The following DPP6 variants were observed in gnomAD, a reference collection of about 807,000 sequenced individuals.
DPP6 encodes the protein A-type potassium channel modulatory protein DPP6.
DPP6 carries 69 observed loss-of-function variants against 122.6 expected under a neutral mutation model. The ratio of observed to expected loss-of-function variants is 0.56; its 90% CI spans 0.46 to 0.69. The LOEUF (loss-of-function observed/expected upper bound fraction) is 0.69. Ranked by LOEUF, DPP6 falls within the 30% of genes least tolerant of loss-of-function variation. The pLI, the probability that DPP6 is intolerant of heterozygous loss-of-function variation, is 0.00. For synonymous variants in DPP6, 418 were observed against 433.1 expected, an observed-to-expected ratio of 0.97 and a Z score of 0.43; for missense variants, 928 against 1,116.9, an observed-to-expected ratio of 0.83 and a Z score of 2.41.
In DPP6 at chr7:154,420,833, A is replaced by AT. The variant is rs1274967931; in HGVS notation, c.244-25373dup. Among the ~76,000 whole-genome samples the AT allele has an allele frequency of 3.6e-4, 54 of 152,022 alleles. 3 individuals are homozygous for AT. The highest frequency in any genetic ancestry group is 2.1e-4 in the South Asian group (1 of 4,808). On this transcript the variant is annotated intron_variant, in intron 1 of 25. Transcript: ENST00000377770. Reference sequence around the variant, plus strand: ...AAGCATATTCATTTACTATTTGTCAATTTTTTTTCCAAAAAATCATTATGC... The same window carrying AT: ...AAGCATATTCATTTACTATTTGTCAATTTTTTTTTCCAAAAAATCATTATGC...
chr7:154,743,788 C>G (rs1030318840), intron 8 of DPP6, among the ~76,000 whole-genome samples: 1 of 152,018 alleles, frequency 6.6e-6, no homozygotes, highest in African/African-American at 2.4e-5. Flanking sequence ...GTTCCAGGAC[C>G]CCTGAGTTAC....
At chr7:154,345,025 T>C (rs1458608494) in intron 1 of DPP6, among the ~76,000 whole-genome samples, 2 of 152,200 alleles carry the variant, frequency 1.3e-5, no homozygotes, top group Non-Finnish European at 2.9e-5. Context: ...CAAATATCGC[T>C]GGTACCGTTA....
intron 3 of DPP6, among the ~76,000 whole-genome samples, chr7:154,538,302 T>G (rs1200309061): frequency 6.6e-6 from 1 of 152,086 alleles, no homozygotes; most frequent in Non-Finnish European, 1.5e-5. Flanking sequence ...CATAGGTAAA[T>G]GTGTACCATG....
intron 17 of DPP6, among the ~76,000 whole-genome samples, chr7:154,867,767 G>A (rs779119964): frequency 6.6e-6 from 1 of 152,162 alleles, no homozygotes; most frequent in Non-Finnish European, 1.5e-5. Flanking sequence ...TAAGACGGTG[G>A]GGAGAATCTT....
At chr7:153,775,943 T>C in the DPP6 span, among the ~76,000 whole-genome samples, 2 of 152,142 alleles carry the variant, frequency 1.3e-5, no homozygotes, top group Non-Finnish European at 2.9e-5. Context: ...ATTGGGGGAA[T>C]ATACTGTTTT....
In DPP6 at chr7:154,566,880, T is replaced by G. The variant is rs757084653; in HGVS notation, c.591T>G (p.Asp197Glu). Residue 197 changes from aspartate (D) to glutamate (E), a missense_variant, in exon 5 of 26, where the codon GAT becomes GAG. Transcript: ENST00000377770. ...LRAIRYEISP[D>E]REYALFSYNV... ...CCATCAGATATGAAATATCTCCAGA[T>G]AGAGAGTATGCACTTTTTTCATACA... The G allele has an allele frequency of 1.9e-6, 3 of 1,607,794 alleles. No homozygotes were observed. Among genetic ancestry groups the G allele is most frequent in the Non-Finnish European group, 2.6e-6 (3 of 1,175,804 alleles).
At chr7:154,313,221 G>T (rs996027494) in intron 1 of DPP6, among the ~76,000 whole-genome samples, 3 of 152,158 alleles carry the variant, frequency 2.0e-5, no homozygotes, top group Non-Finnish European at 2.9e-5. Flanking sequence ...AGGAGAGCTG[G>T]ATGGGAACAG....
At chr7:154,779,160 C>T (rs1405807038) in intron 10 of DPP6, among the ~76,000 whole-genome samples, 1 of 131,568 alleles carries the variant, frequency 7.6e-6, no homozygotes, top group African/African-American at 2.9e-5. Context: ...ACCATCATCT[C>T]CACTACCTCT....
At chr7:154,615,157 C>T (rs1344912170) in intron 5 of DPP6, among the ~76,000 whole-genome samples, 1 of 152,156 alleles carries the variant, frequency 6.6e-6, no homozygotes, top group Non-Finnish European at 1.5e-5. Context: ...CCATCTTTAT[C>T]ATGGGTAGAT....
At chr7:154,207,337 C>T (rs778730351) in intron 1 of DPP6, among the ~76,000 whole-genome samples, 19 of 152,000 alleles carry the variant, frequency 1.3e-4, no homozygotes, top group Non-Finnish European at 2.1e-4. Flanking sequence ...TTGGAGGATG[C>T]GTATTTTACT....
At chr7:154,669,224 C>A in intron 6 of DPP6, 136 bp from the exon 7 acceptor site, 1 of 1,345,334 alleles carries the variant, frequency 7.4e-7, no homozygotes, top group South Asian at 1.4e-5. Context: ...CTTAGTAACA[C>A]AAGAGACAAG....
At chr7:153,907,375 C>A (rs962815715) in intron 1 of DPP6, among the ~76,000 whole-genome samples, 5 of 152,122 alleles carry the variant, frequency 3.3e-5, no homozygotes, top group Admixed American at 2.0e-4. Context: ...GAGGGACAGA[C>A]AAACTGGCAT....
intron 1 of DPP6, among the ~76,000 whole-genome samples, chr7:153,889,937 A>C (rs1050957449): frequency 2.0e-5 from 3 of 152,244 alleles, no homozygotes; most frequent in African/African-American, 7.2e-5. Flanking sequence ...AAGGAAATCC[A>C]CGTGGCTTCA....
intron 1 of DPP6, among the ~76,000 whole-genome samples, chr7:154,066,118 GAT>G (rs1427709858): frequency 1.3e-5 from 2 of 148,880 alleles, no homozygotes; most frequent in African/African-American, 5.0e-5. Flanking sequence ...GGAGTGCAGT[GAT>G]ACAAACTCAG....
chr7:154,200,580 C>T (rs1479312491), intron 1 of DPP6, among the ~76,000 whole-genome samples: 1 of 152,136 alleles, frequency 6.6e-6, no homozygotes, highest in Non-Finnish European at 1.5e-5. Flanking sequence ...CATTCTTAGG[C>T]ATTTTTGTCT....
At chr7:154,575,891 G>T (rs1416237224) in intron 5 of DPP6, among the ~76,000 whole-genome samples, 2 of 152,014 alleles carry the variant, frequency 1.3e-5, no homozygotes, top group Non-Finnish European at 2.9e-5. Flanking sequence ...CGGATCTACA[G>T]GTTTTGAGGT....
chr7:153,953,458 G>T lies in DPP6; in HGVS notation c.51+65724G>T, dbSNP rs1467182630. Among the ~76,000 whole-genome samples the T allele has an allele frequency of 2.0e-5, 3 of 152,106 alleles. No homozygotes were observed. In the East Asian group the frequency reaches 5.8e-4, roughly 29 times the overall value. ...TTCCCACCAACCCTCAAAATTCCGT[G>T]TGCTGTCTGTGGAATTCATGCACAG... On this transcript the variant is annotated intron_variant, in intron 1 of 25. Coordinates refer to the DPP6 transcript ENST00000404039.
At position 154,232,431 on chromosome 7, in the gene DPP6, C is replaced by T. The variant is rs530595102; in HGVS notation, c.243+179368C>T. Among the ~76,000 whole-genome samples the T allele has an allele frequency of 7.2e-5, 11 of 152,304 alleles. No homozygotes were observed. The East Asian group carries it at 1.9e-3, about 27-fold the overall frequency. ...AGGGAGGGCTTTGGTGTCAGGACCTCAATCCCTGGAAAGTAGATAAGTACC... is the reference window on the plus strand; with the variant it reads ...AGGGAGGGCTTTGGTGTCAGGACCTTAATCCCTGGAAAGTAGATAAGTACC... On this transcript the variant is annotated intron_variant, in intron 1 of 25. Coordinates refer to ENST00000377770, the MANE Select transcript of DPP6 (RefSeq NM_130797.4).
intron 1 of DPP6, among the ~76,000 whole-genome samples, chr7:154,013,360 T>C (rs967074365): frequency 6.6e-6 from 1 of 152,180 alleles, no homozygotes; most frequent in Non-Finnish European, 1.5e-5. Flanking sequence ...TTTGTTGCCA[T>C]GTTTAAATTT....
Sources: gnomAD v4.1 joint callset for allele counts (sites outside exome capture counted in the v4.1 genomes callset) on GRCh38, gnomAD v4.1.1 for gene constraint, MANE v1.5 for transcripts, NCBI Gene and HGNC (gene_info 2026-07-23, HGNC 2026-07-21) for gene names.